DLGAP4: variants seen among roughly 807,000 people sequenced by gnomAD.
DLGAP4 encodes the protein DLG associated protein 4.
In DLGAP4, 18 loss-of-function variants were observed where a neutral mutation model predicts 86.9. That is an observed-to-expected ratio of 0.21 (90% CI 0.14 to 0.31). The LOEUF (loss-of-function observed/expected upper bound fraction) is 0.31, where lower values mean the gene tolerates loss of function less well. Among genes scored for constraint, DLGAP4 ranks in the 10% least tolerant of loss-of-function variants. The pLI is 1.00. For synonymous variants in DLGAP4, 548 were observed against 574.3 expected (o/e 0.95, Z 0.65); for missense variants, 1,085 against 1,362.6 (o/e 0.80, Z 3.21).
chr20:36,396,349 A>G (rs62210461), intron 2 of DLGAP4, among the ~76,000 whole-genome samples: 1,960 of 23,034 alleles, frequency 0.085, 97 homozygotes, highest in South Asian at 0.21. Context: ...ACACACACAC[A>G]CACATACCAC....
chr20:36,456,021 G>T (rs2033869378), intron 7 of DLGAP4, among the ~76,000 whole-genome samples: 1 of 152,146 alleles, frequency 6.6e-6, no homozygotes, highest in Non-Finnish European at 1.5e-5. Context: ...TCTGATCCCT[G>T]GAGCTCAGTT....
chr20:36,348,291 A>G (rs2030012025), intron 1 of DLGAP4, among the ~76,000 whole-genome samples: 1 of 152,230 alleles, frequency 6.6e-6, no homozygotes, highest in Admixed American at 6.5e-5. Context: ...ACTAGAGGTC[A>G]TTACTCTTCA....
intron 2 of DLGAP4, among the ~76,000 whole-genome samples, chr20:36,415,920 T>C (rs2032640933): frequency 6.6e-6 from 1 of 152,072 alleles, no homozygotes; most frequent in Non-Finnish European, 1.5e-5. Flanking sequence ...AACTCAGACT[T>C]TTCCTAGGTG....
At chr20:36,372,137 C>T (rs1012728324) in intron 2 of DLGAP4, among the ~76,000 whole-genome samples, 12 of 152,242 alleles carry the variant, frequency 7.9e-5, no homozygotes, top group East Asian at 3.9e-4. Flanking sequence ...GAATAGCGTC[C>T]GAGGGTAGGT....
At chr20:36,326,124 ATATCT>A (rs2065213697) in intron 1 of DLGAP4, among the ~76,000 whole-genome samples, 1 of 152,220 alleles carries the variant, frequency 6.6e-6, no homozygotes, top group Non-Finnish European at 1.5e-5. Flanking sequence ...TCGTGTTTTT[ATATCT>A]GAAGAGCATT....
At chr20:36,332,964 T>C (rs1185644682) in intron 1 of DLGAP4, among the ~76,000 whole-genome samples, 8 of 152,304 alleles carry the variant, frequency 5.3e-5, no homozygotes, top group African/African-American at 1.9e-4. Flanking sequence ...TTTCTTTCCT[T>C]CCAAGAGCAA....
chr20:36,436,048 G>A (rs1600525638), intron 3 of DLGAP4, 61 bp from the exon 4 acceptor site: 2 of 1,481,870 alleles, frequency 1.3e-6, no homozygotes, highest in East Asian at 2.4e-5. Context: ...CGGAGATGGG[G>A]GTTCTCGCCA....
At chr20:36,419,524 A>C (rs1325867263) in intron 2 of DLGAP4, among the ~76,000 whole-genome samples, 1 of 152,160 alleles carries the variant, frequency 6.6e-6, no homozygotes, top group Admixed American at 6.6e-5. Flanking sequence ...AGGGGTCAGG[A>C]ATCGGGTAAT....
chr20:36,524,340 T>C lies in DLGAP4; in HGVS notation c.2603T>C (p.Leu868Ser). 2 of 1,612,126 alleles carry C rather than the reference T, an allele frequency of 1.2e-6. No individual in the cohort carries two copies. Among genetic ancestry groups the C allele is most frequent in the South Asian group, 1.1e-5 (1 of 90,814 alleles). ...QQFRGLCEQNLNPDANPRPTA... is the reference protein window; with the variant it reads ...QQFRGLCEQNSNPDANPRPTA... ...TTCCGGGGCCTCTGTGAGCAAAACT[T>C]GGTGAGTGTGATTCTCCTTCCTCCA... Residue 868 changes from leucine (L) to serine (S), a missense_variant and splice_region_variant, in exon 11 of 13, where the codon TTG (leucine) becomes TCG (serine). Coordinates refer to ENST00000339266, the MANE Select transcript of DLGAP4 (RefSeq NM_001365621.2).
Position 36,393,952 on chromosome 20 carries a change from A to G in DLGAP4, c.-73+26677A>G, listed in dbSNP as rs1420546298. 6.6e-6 allele frequency among the ~76,000 whole-genome samples: 1 copy of G among 152,084 alleles called. No individual in the cohort carries two copies. Among genetic ancestry groups the G allele is most frequent in the Admixed American group, 6.5e-5 (1 of 15,274 alleles). On this transcript the variant is annotated intron_variant, in intron 2 of 12. Transcript: ENST00000339266. The surrounding 1 kb of genome is among the most constrained non-coding windows in gnomAD (Gnocchi z 4.4). ...ATGCGCCCCAGGCCCTGCTGTACAC[A>G]CAGGGAGGTGGCCTTCACAGGGTGC...
intron 2 of DLGAP4, among the ~76,000 whole-genome samples, chr20:36,391,847 C>G (rs979865045): frequency 2.0e-5 from 3 of 152,330 alleles, no homozygotes; most frequent in South Asian, 4.1e-4. Context: ...GTGGGCAACA[C>G]CTGCCATAGC....
chr20:36,488,270 T>A (rs8125698), intron 7 of DLGAP4, among the ~76,000 whole-genome samples: 1 of 150,890 alleles, frequency 6.6e-6, no homozygotes, highest in African/African-American at 2.4e-5. Flanking sequence ...TCAGGCACCC[T>A]GGTTTCAGGC....
At chr20:36,445,879 A>C (rs1319995413) in intron 6 of DLGAP4, among the ~76,000 whole-genome samples, 1 of 152,178 alleles carries the variant, frequency 6.6e-6, no homozygotes, top group African/African-American at 2.4e-5. Flanking sequence ...CAGAACCCTC[A>C]AAGAGTATGT....
chr20:36,437,315 G>A (rs1245305086), intron 4 of DLGAP4, among the ~76,000 whole-genome samples: 4 of 152,122 alleles, frequency 2.6e-5, no homozygotes, highest in Non-Finnish European at 1.5e-5. Flanking sequence ...AGCCACACTC[G>A]GGTGATAGGT....
intron 2 of DLGAP4, among the ~76,000 whole-genome samples, chr20:36,416,181 G>A (rs766777313): frequency 8.5e-5 from 13 of 152,170 alleles, no homozygotes; most frequent in Non-Finnish European, 1.6e-4. Context: ...GAGTGCAGTG[G>A]CATGATCTTG....
chr20:36,462,651 C>G, intron 7 of DLGAP4: 1 of 1,554,214 alleles, frequency 6.4e-7, no homozygotes, highest in Non-Finnish European at 8.6e-7. Flanking sequence ...AGGCTGGCCG[C>G]GGCCGAGGCT....
At chr20:36,446,984 C>A in intron 7 of DLGAP4, 47 bp downstream of exon 7, 1 of 1,555,956 alleles carries the variant, frequency 6.4e-7, no homozygotes, top group South Asian at 1.2e-5. Flanking sequence ...TTCAAGGGGA[C>A]CCCAAGGACC....
intron 1 of DLGAP4, among the ~76,000 whole-genome samples, chr20:36,359,342 A>C (rs2030438312): frequency 6.6e-6 from 1 of 152,250 alleles, no homozygotes; most frequent in Non-Finnish European, 1.5e-5. Flanking sequence ...TCCAATGTGC[A>C]GTAGCCACAC....
At chr20:36,467,327 T>C (rs1422067549) in intron 7 of DLGAP4, among the ~76,000 whole-genome samples, 1 of 152,122 alleles carries the variant, frequency 6.6e-6, no homozygotes, top group African/African-American at 2.4e-5. Flanking sequence ...CAGAGGGTGG[T>C]GCCGACATTC....
Sources: allele counts gnomAD v4.1 joint callset (sites outside exome capture counted in the v4.1 genomes callset), GRCh38; gene constraint gnomAD v4.1.1; non-coding constraint Gnocchi (gnomAD v3.1); transcripts MANE v1.5; gene names NCBI Gene and HGNC (gene_info 2026-07-23, HGNC 2026-07-21).